The following TFPI variants were observed in gnomAD, a reference collection of about 807,000 sequenced individuals.
TFPI encodes tissue factor pathway inhibitor.
TFPI carries 15 observed loss-of-function variants against 34.6 expected under a neutral mutation model. That is an observed-to-expected ratio of 0.43 (90% CI 0.29 to 0.67). TFPI has a LOEUF of 0.67. Among genes scored for constraint, TFPI ranks in the 30% least tolerant of loss-of-function variants. The pLI is 0.15. For missense variants in TFPI, 301 were observed against 364.0 expected, an observed-to-expected ratio of 0.83 and a Z score of 1.41; for synonymous variants, 105 against 120.1, an observed-to-expected ratio of 0.87 and a Z score of 0.82.
At chr2:187,540,682 C>T (rs1688530980) in intron 1 of TFPI, among the ~76,000 whole-genome samples, 1 of 151,940 alleles carries the variant, frequency 6.6e-6, no homozygotes, top group African/African-American at 2.4e-5. Context: ...TTGAGGTTAG[C>T]AGTTCCGAGA....
At chr2:187,520,578 G>T (rs993989222) in intron 1 of TFPI, 1 of 152,166 alleles carries the variant, frequency 6.6e-6, no homozygotes, top group Non-Finnish European at 1.5e-5. Context: ...GTAGACTGGA[G>T]CTCTTCCTAT....
intron 1 of TFPI, among the ~76,000 whole-genome samples, chr2:187,541,419 G>T (rs1208192835): frequency 6.6e-6 from 1 of 152,196 alleles, no homozygotes; most frequent in East Asian, 1.9e-4. Flanking sequence ...GCACTGACTT[G>T]GGAGCCTAAA....
intron 1 of TFPI, among the ~76,000 whole-genome samples, chr2:187,505,633 A>G (rs1443038161): frequency 1.3e-5 from 2 of 152,148 alleles, no homozygotes; most frequent in Non-Finnish European, 2.9e-5. Flanking sequence ...TTCAATCAAA[A>G]TAGTGTGACT....
At chr2:187,518,267 A>C (rs747653964) in intron 1 of TFPI, 15 of 152,236 alleles carry the variant, frequency 9.9e-5, no homozygotes, top group Non-Finnish European at 1.9e-4. Context: ...ATGTTTTTGC[A>C]GTGGCTGATA....
chr2:187,519,748 C>G (rs1006479525), intron 1 of TFPI: 1 of 152,314 alleles, frequency 6.6e-6, no homozygotes, highest in Non-Finnish European at 1.5e-5. Context: ...GAGCCCACAG[C>G]CTCCCCTTTC....
At chr2:187,547,771 G>A (rs1319644053) in intron 1 of TFPI, 1 of 152,160 alleles carries the variant, frequency 6.6e-6, no homozygotes, top group Non-Finnish European at 1.5e-5. Flanking sequence ...CATATTTAAT[G>A]CTCATTATTG....
chr2:187,495,450 A>C (rs8176457), intron 3 of TFPI, among the ~76,000 whole-genome samples: 5,412 of 152,314 alleles, frequency 0.036, 288 homozygotes, highest in African/African-American at 0.11. Flanking sequence ...AATCACAAAA[A>C]CCAAAAGCAC....
At chr2:187,527,759 T>C (rs1687753081) in intron 1 of TFPI, among the ~76,000 whole-genome samples, 1 of 152,218 alleles carries the variant, frequency 6.6e-6, no homozygotes, top group Non-Finnish European at 1.5e-5. Flanking sequence ...TTTTTTATAA[T>C]GGTTTACTAT....
At chr2:187,524,432 A>G (rs1423632335) in intron 1 of TFPI, among the ~76,000 whole-genome samples, 1 of 152,038 alleles carries the variant, frequency 6.6e-6, no homozygotes, top group African/African-American at 2.4e-5. Context: ...GTGCATTTAT[A>G]TATTTATGTG....
intron 4 of TFPI, among the ~76,000 whole-genome samples, chr2:187,486,857 ACTTT>A (rs2106025646): frequency 6.6e-6 from 1 of 151,646 alleles, no homozygotes; most frequent in South Asian, 2.1e-4. Flanking sequence ...CTTGGACCAA[ACTTT>A]CTTTCTAAGG....
chr2:187,466,872 AATC>A lies in TFPI; in HGVS notation c.*61_*63del. 1.1e-6 allele frequency: 1 copy of A among 935,530 alleles called. No homozygotes were observed. Among genetic ancestry groups the A allele is most frequent in the Non-Finnish European group, 1.6e-6 (1 of 637,904 alleles). The allele number at this position is 935,530 out of a possible 1,614,324, so 58.0% of individuals were successfully genotyped here. A position where few individuals can be genotyped will look rare whatever the true frequency, so the allele number is the denominator to read the frequency against. ...AAAGCATTTTAGAAGAAAAATAGAA[AATC>A]ATAGTGAAACATTTCATATAAAATA... On this transcript the variant is annotated 3_prime_UTR_variant, in exon 8 of 8. Transcript: ENST00000233156.
At chr2:187,538,564 A>C (rs1437816101) in intron 1 of TFPI, among the ~76,000 whole-genome samples, 1 of 152,212 alleles carries the variant, frequency 6.6e-6, no homozygotes, top group Non-Finnish European at 1.5e-5. Context: ...GGAGGGGAAC[A>C]TCACACACCC....
In TFPI at chr2:187,546,180, G is replaced by A. The variant is rs951097787; in HGVS notation, c.-3+8020C>T. 5.3e-5 allele frequency among the ~76,000 whole-genome samples: 8 copies of A among 151,482 alleles called. No individual in the cohort carries two copies. In the South Asian group the frequency reaches 1.7e-3, roughly 32 times the overall value. On this transcript the variant is annotated intron_variant, in intron 1 of 7. Transcript: ENST00000233156. ...ATGTTTCTTTTTATAGTAATGAATA[G>A]TATTTTAATATGCCTGTTCTATGTA...
At chr2:187,470,739 G>C (rs1205786604) in intron 6 of TFPI, among the ~76,000 whole-genome samples, 1 of 152,202 alleles carries the variant, frequency 6.6e-6, no homozygotes, top group Admixed American at 6.5e-5. Flanking sequence ...GACCAGCATA[G>C]ATGCCAGCAG....
At chr2:187,538,283 C>T (rs1459321681) in intron 1 of TFPI, among the ~76,000 whole-genome samples, 1 of 152,136 alleles carries the variant, frequency 6.6e-6, no homozygotes, top group Non-Finnish European at 1.5e-5. Flanking sequence ...GACATATGCA[C>T]AAGTATGTTT....
In TFPI at chr2:187,466,997, C is replaced by G. The variant is rs770894195; in HGVS notation, c.854G>C (p.Arg285Thr). 6.9e-6 allele frequency: 11 copies of G among 1,589,084 alleles called. No homozygotes were observed. In the Admixed American group the frequency reaches 1.7e-4, roughly 25 times the overall value. The change falls in exon 8 of 8, where the codon AGA becomes ACA. Residue 285 changes from arginine (R) to threonine (T), a missense_variant. Transcript: ENST00000233156. Reference sequence around the variant, plus strand: ...TTTCACTCTCTGCTTCTTTCTTTTTCTTTTGGTTTTAATTAGGCCTCCTTT... The same window carrying G: ...TTTCACTCTCTGCTTCTTTCTTTTTGTTTTGGTTTTAATTAGGCCTCCTTT... ...ISKGGLIKTK[R>T]KRKKQRVKIA...
chr2:187,510,676 T>A (rs1232580812), intron 1 of TFPI, among the ~76,000 whole-genome samples: 1 of 152,196 alleles, frequency 6.6e-6, no homozygotes, highest in Non-Finnish European at 1.5e-5. Context: ...CCAGACATTG[T>A]ATGGAAAAGC....
At position 187,518,295 on chromosome 2, in the gene TFPI, T is replaced by C. The variant is rs181474244; in HGVS notation, c.-2-14525A>G. On this transcript the variant is annotated intron_variant, in intron 1 of 7. Coordinates refer to ENST00000233156, the MANE Select transcript of TFPI (RefSeq NM_006287.6). ...GGCTGATACAGATTGTTCTTTTCCA[T>C]GTTTAGTGCTCCTAGAGGAGCTCTT... The C allele has an allele frequency of 2.0e-5, 3 of 152,360 alleles. No homozygotes were observed. In the East Asian group the frequency reaches 5.8e-4, roughly 29 times the overall value. The allele number at this position is 152,360 out of a possible 1,614,324, so 9.4% of individuals were successfully genotyped here.
chr2:187,468,258 GACACACACAC>G (rs61019402), intron 6 of TFPI, among the ~76,000 whole-genome samples: 48 of 147,130 alleles, frequency 3.3e-4, no homozygotes, highest in East Asian at 8.0e-4. Context: ...ATTTCTTACA[GACACACACAC>G]ACACACACAC....
Sources: gnomAD v4.1 joint callset for allele counts (sites outside exome capture counted in the v4.1 genomes callset) on GRCh38, gnomAD v4.1.1 for gene constraint, MANE v1.5 for transcripts, NCBI Gene and HGNC (gene_info 2026-07-23, HGNC 2026-07-21) for gene names.